The following SENP1 variants were observed in gnomAD, a reference collection of about 807,000 sequenced individuals.
The protein encoded by SENP1 is sentrin-specific protease 1.
In SENP1, 21 loss-of-function variants were observed where a neutral mutation model predicts 93.0. The ratio of observed to expected loss-of-function variants is 0.23; its 90% confidence interval spans 0.16 to 0.33. The LOEUF (loss-of-function observed/expected upper bound fraction) is 0.33, where lower values mean the gene tolerates loss of function less well. SENP1 is among the 10% of genes least tolerant of loss of function. The pLI, the probability that SENP1 is intolerant of heterozygous loss-of-function variation, is 1.00. For synonymous variants in SENP1, 256 were observed against 259.6 expected (o/e 0.99, Z 0.13); for missense variants, 591 against 758.7 (o/e 0.78, Z 2.60).
Position 48,104,901 on chromosome 12 carries a change from G to T in SENP1, c.-45+1127C>A, listed in dbSNP as rs546717226. 2.0e-5 allele frequency among the ~76,000 whole-genome samples: 3 copies of T among 152,162 alleles called. No homozygotes were observed. In the East Asian group the frequency reaches 5.8e-4, roughly 29 times the overall value. On this transcript the variant is annotated intron_variant, in intron 1 of 17. Coordinates refer to ENST00000549518, the MANE Select transcript of SENP1 (RefSeq NM_001267594.2). Reference sequence around the variant, plus strand: ...TAAAAATGAATAAGCCTTCCTAAAAGGGACTAGAGAGGAAAAATAAAGGGT... The same window carrying T: ...TAAAAATGAATAAGCCTTCCTAAAATGGACTAGAGAGGAAAAATAAAGGGT...
At chr12:48,101,147 G>C (rs886707026) in intron 2 of SENP1, among the ~76,000 whole-genome samples, 1 of 152,070 alleles carries the variant, frequency 6.6e-6, no homozygotes, top group Non-Finnish European at 1.5e-5. Context: ...TCAGCCGGAC[G>C]TGGTGGCACA....
intron 9 of SENP1, among the ~76,000 whole-genome samples, chr12:48,068,027 A>G (rs762925774): frequency 3.3e-5 from 5 of 151,778 alleles, no homozygotes; most frequent in Non-Finnish European, 5.9e-5. Flanking sequence ...CACCTGGCTA[A>G]TTTTTTCTTT....
Position 48,082,329 on chromosome 12 carries a change from G to A in SENP1, c.552+1262C>T, listed in dbSNP as rs571763045. ...GGTAATGCTGTATTCTTGACTCCAT[G>A]CTCAGTAAGCTTCATTGGGCAGGAA... On this transcript the variant is annotated intron_variant, in intron 6 of 17. Transcript: ENST00000549518. Among the ~76,000 whole-genome samples, 124 of 152,270 alleles carry A rather than the reference G, an allele frequency of 8.1e-4. 1 individual carries two copies. Among genetic ancestry groups the A allele is most frequent in the Middle Eastern group, 3.4e-3 (1 of 294 alleles).
intron 6 of SENP1, among the ~76,000 whole-genome samples, chr12:48,080,916 C>T (rs1394876849): frequency 6.6e-6 from 1 of 152,166 alleles, no homozygotes; most frequent in South Asian, 2.1e-4. Flanking sequence ...GAGAACTCCA[C>T]CTTCATGTTC....
At chr12:48,100,782 A>G (rs1008571064) in intron 2 of SENP1, among the ~76,000 whole-genome samples, 2 of 152,220 alleles carry the variant, frequency 1.3e-5, no homozygotes, top group Non-Finnish European at 1.5e-5. Flanking sequence ...TCCTTGTGAT[A>G]TAATAGGGAT....
intron 9 of SENP1, among the ~76,000 whole-genome samples, chr12:48,067,363 C>G (rs1943374323): frequency 6.6e-6 from 1 of 152,174 alleles, no homozygotes. Context: ...TCCCCACACA[C>G]AAAATAATCT....
intron 5 of SENP1, among the ~76,000 whole-genome samples, chr12:48,087,243 GA>G (rs1267194459): frequency 1.3e-5 from 2 of 152,058 alleles, no homozygotes; most frequent in African/African-American, 2.4e-5. Flanking sequence ...ACTCATTTTG[GA>G]AAAAAAGTAG....
At chr12:48,083,255 T>C (rs934581370) in intron 6 of SENP1, among the ~76,000 whole-genome samples, 1 of 152,108 alleles carries the variant, frequency 6.6e-6, no homozygotes, top group Non-Finnish European at 1.5e-5. Context: ...AATTTTTCCA[T>C]AGGAGACAAC....
At chr12:48,065,930 T>G (rs932082979) in intron 10 of SENP1, among the ~76,000 whole-genome samples, 1 of 152,188 alleles carries the variant, frequency 6.6e-6, no homozygotes, top group East Asian at 1.9e-4. Context: ...CTCAAACTCC[T>G]GGGCTCAAGC....
At chr12:48,053,480 G>GAAAAAAA (rs56951392) in intron 13 of SENP1, among the ~76,000 whole-genome samples, 1 of 79,694 alleles carries the variant, frequency 1.3e-5, no homozygotes, top group Non-Finnish European at 2.6e-5. Context: ...CCTGTCTCAG[G>GAAAAAAA]AAAAAAAAAA....
At position 48,044,070 on chromosome 12, in the gene SENP1, A is replaced by T. The variant is rs1210599743; in HGVS notation, c.*1252T>A. On this transcript the variant is annotated 3_prime_UTR_variant, in exon 18 of 18. Coordinates refer to ENST00000549518, the MANE Select transcript of SENP1 (RefSeq NM_001267594.2). Reference sequence around the variant, plus strand: ...TCAGAGGGTGGGGAGAGATGCTAGAAAGAACAAAAGGAATAGCAGTTTTTA... The same window carrying T: ...TCAGAGGGTGGGGAGAGATGCTAGATAGAACAAAAGGAATAGCAGTTTTTA... 2.0e-5 allele frequency: 3 copies of T among 152,424 alleles called. No individual in the cohort carries two copies. The highest frequency in any genetic ancestry group is 4.8e-5 in the African/African-American group (2 of 41,420). 9.4% of individuals were successfully genotyped at this position (152,424 alleles called of 1,614,324 possible). A position where few individuals can be genotyped will look rare whatever the true frequency, so the allele number is the denominator to read the frequency against.
intron 6 of SENP1, among the ~76,000 whole-genome samples, chr12:48,081,802 G>C (rs1944510172): frequency 6.6e-6 from 1 of 151,956 alleles, no homozygotes; most frequent in Non-Finnish European, 1.5e-5. Flanking sequence ...CTGGCCTCAA[G>C]CAATCCTCCT....
In SENP1 at chr12:48,063,856, G is replaced by A. The variant is rs1943118132; in HGVS notation, c.1276-15C>T. The A allele has an allele frequency of 6.2e-7, 1 of 1,602,912 alleles. No individual in the cohort carries two copies. The highest frequency in any genetic ancestry group is 1.1e-5 in the South Asian group (1 of 90,408). ...TTCTCCATTTCCTAAGAAAACAAAA[G>A]GTGTCAAGACATCAAACACGCGTGG... On this transcript the variant is annotated splice_polypyrimidine_tract_variant and intron_variant, in intron 12 of 17. Coordinates refer to ENST00000549518, the MANE Select transcript of SENP1 (RefSeq NM_001267594.2).
At chr12:48,085,141 A>T in intron 5 of SENP1, 1 of 1,411,946 alleles carries the variant, frequency 7.1e-7, no homozygotes, top group Non-Finnish European at 1.0e-6. Context: ...AGCATAGGGG[A>T]GCTTAACAAG....
At chr12:48,059,398 A>G (rs1200529747) in intron 13 of SENP1, among the ~76,000 whole-genome samples, 1 of 151,924 alleles carries the variant, frequency 6.6e-6, no homozygotes, top group Non-Finnish European at 1.5e-5. Context: ...ATATATTTTT[A>G]TTTCAGATAT....
At chr12:48,047,683 C>A (rs1024383168) in intron 15 of SENP1, among the ~76,000 whole-genome samples, 4 of 152,114 alleles carry the variant, frequency 2.6e-5, no homozygotes, top group Non-Finnish European at 4.4e-5. Flanking sequence ...AGGACCTGGG[C>A]AAATCAAAGG....
Position 48,056,566 on chromosome 12 carries a change from ATATT to A in SENP1, c.1407+7140_1407+7143del, listed in dbSNP as rs1421188987. On this transcript the variant is annotated intron_variant, in intron 13 of 17. Transcript: ENST00000549518. Reference sequence around the variant, plus strand: ...TATTTAATATATTACATATATAAATATATTATTTAATATATTACATATATAAATA... The same window carrying A: ...TATTTAATATATTACATATATAAATAATTTAATATATTACATATATAAATA... Among the ~76,000 whole-genome samples, 50 of 57,100 alleles carry A rather than the reference ATATT, an allele frequency of 8.8e-4. 5 individuals carry two copies. The highest frequency in any genetic ancestry group is 1.2e-3 in the Non-Finnish European group (48 of 38,688). The allele number at this position is 57,100 out of a possible 152,430, so 37.5% of individuals were successfully genotyped here. A position where few individuals can be genotyped will look rare whatever the true frequency, so the allele number is the denominator to read the frequency against.
At chr12:48,056,196 GTA>G (rs1347114593) in intron 13 of SENP1, among the ~76,000 whole-genome samples, 1 of 65,006 alleles carries the variant, frequency 1.5e-5, no homozygotes, top group Admixed American at 2.2e-4. Flanking sequence ...TTAATATATA[GTA>G]TATATTATTT....
chr12:48,049,144 A>C lies in SENP1; in HGVS notation c.1408-12T>G. On this transcript the variant is annotated splice_polypyrimidine_tract_variant and intron_variant, in intron 13 of 17. Coordinates refer to ENST00000549518, the MANE Select transcript of SENP1 (RefSeq NM_001267594.2). Reference sequence around the variant, plus strand: ...TAGAAATTGATGATCTGTGGGAAGAAATTACACCTATTAGAATAGACACTC... The same window carrying C: ...TAGAAATTGATGATCTGTGGGAAGACATTACACCTATTAGAATAGACACTC... 6.2e-7 allele frequency: 1 copy of C among 1,603,250 alleles called. No homozygotes were observed. The highest frequency in any genetic ancestry group is 8.5e-7 in the Non-Finnish European group (1 of 1,170,374).
Sources: gnomAD v4.1 joint callset for allele counts (sites outside exome capture counted in the v4.1 genomes callset) on GRCh38, gnomAD v4.1.1 for gene constraint, MANE v1.5 for transcripts, NCBI Gene and HGNC (gene_info 2026-07-23, HGNC 2026-07-21) for gene names.